MYOF: variants seen among roughly 807,000 people sequenced by gnomAD.
The protein encoded by MYOF is myoferlin, also known as fer-1-like 3, myoferlin.
Under a neutral mutation model 284.2 loss-of-function variants are expected in MYOF, and 244 were observed. That is an observed-to-expected ratio of 0.86 (90% CI 0.77 to 0.95). The LOEUF is 0.95. MYOF is among the 40% of genes least tolerant of loss of function. The pLI, the probability that MYOF is intolerant of heterozygous loss-of-function variation, is 0.00. For missense variants in MYOF, 2,496 were observed against 2,560.6 expected (o/e 0.97, Z 0.54); for synonymous variants, 904 against 919.7 (o/e 0.98, Z 0.31).
At chr10:93,340,006 G>T (rs1434326120) in intron 39 of MYOF, 147 bp downstream of exon 39, 2 of 773,028 alleles carry the variant, frequency 2.6e-6, no homozygotes, top group African/African-American at 3.5e-5. Context: ...GTGAACCCCG[G>T]GGGGCGGAGC....
intron 27 of MYOF, among the ~76,000 whole-genome samples, chr10:93,362,852 A>G (rs936309723): frequency 2.0e-5 from 3 of 152,342 alleles, no homozygotes; most frequent in African/African-American, 4.8e-5. Context: ...GAAAATATGA[A>G]TTTATAAAAC....
At chr10:93,387,677 G>A in intron 19 of MYOF, 120 bp downstream of exon 19, 1 of 768,092 alleles carries the variant, frequency 1.3e-6, no homozygotes. Flanking sequence ...GGCTGTTGTA[G>A]AAACATCCAG....
intron 24 of MYOF, among the ~76,000 whole-genome samples, chr10:93,372,525 T>C (rs1168728387): frequency 2.6e-5 from 4 of 152,230 alleles, no homozygotes; most frequent in Admixed American, 2.6e-4. Flanking sequence ...AAATTGAAAT[T>C]GATTCAATCT....
At chr10:93,382,112 G>A (rs1156266104) in intron 19 of MYOF, among the ~76,000 whole-genome samples, 1 of 152,164 alleles carries the variant, frequency 6.6e-6, no homozygotes, top group Non-Finnish European at 1.5e-5. Flanking sequence ...CATAAAGAAG[G>A]TCTGGAGGAA....
chr10:93,333,983 C>T, intron 41 of MYOF, 70 bp from the exon 42 acceptor site: 2 of 1,497,228 alleles, frequency 1.3e-6, no homozygotes, highest in South Asian at 2.5e-5. Flanking sequence ...GGGAAGTCCC[C>T]TCCTCCGCCA....
At chr10:93,341,659 T>C (rs75838515) in intron 38 of MYOF, among the ~76,000 whole-genome samples, 140 of 152,356 alleles carry the variant, frequency 9.2e-4, no homozygotes, top group African/African-American at 3.2e-3. Context: ...ACATGATCAT[T>C]AGTTCATGTG....
chr10:93,366,287 G>A, intron 26 of MYOF, 105 bp downstream of exon 26: 1 of 1,219,800 alleles, frequency 8.2e-7, no homozygotes. Flanking sequence ...CTCAGTGGGT[G>A]TTACATAACT....
chr10:93,394,443 C>CTTTT (rs1193314228), intron 16 of MYOF, among the ~76,000 whole-genome samples: 2 of 58,860 alleles, frequency 3.4e-5, no homozygotes, highest in Non-Finnish European at 3.7e-5. Flanking sequence ...TGGTCACCAT[C>CTTTT]TTGTCTTTTT....
chr10:93,420,422 G>A (rs373182166), intron 5 of MYOF, among the ~76,000 whole-genome samples: 36 of 152,150 alleles, frequency 2.4e-4, no homozygotes, highest in African/African-American at 8.7e-4. Flanking sequence ...AGGGGGGTCA[G>A]TGAAAAGAAC....
chr10:93,343,904 C>T lies in MYOF; in HGVS notation c.4278G>A (p.Arg1426=), dbSNP rs1420887862. 4.3e-6 allele frequency: 7 copies of T among 1,614,108 alleles called. No homozygotes were observed. Among genetic ancestry groups the T allele is most frequent in the Non-Finnish European group, 5.9e-6 (7 of 1,180,020 alleles). The change falls in exon 38 of 54, where the codon CGG becomes CGA. Residue 1426 remains arginine, a synonymous_variant. Transcript: ENST00000359263. ...KASLLSAPPC[R]DIVIEMEDTK... ...TGTCTTCCATTTCGATAACGATGTC[C>T]CGGCATGGTGGGGCAGACAGAAGGG...
chr10:93,409,430 T>C, intron 6 of MYOF, 143 bp downstream of exon 6: 1 of 1,029,600 alleles, frequency 9.7e-7, no homozygotes, highest in Admixed American at 2.4e-5. Flanking sequence ...AGAGCTTTTC[T>C]TACTGGGTTT....
chr10:93,366,400 A>G lies in MYOF; in HGVS notation c.2745T>C (p.Pro915=). The stretch of plus-strand genomic sequence containing the variant: ...GAAAATGGACAACTTACCTTCTTTC[A>G]GGATCAACTATCCACTCTCCTTCCC... ...WEWEGEWIVD[P]ERSLLTEADA... The change falls in exon 26 of 54, where the codon CCT becomes CCC. Residue 915 remains proline, a synonymous_variant. Coordinates refer to ENST00000359263, the MANE Select transcript of MYOF (RefSeq NM_013451.4). The G allele has an allele frequency of 6.2e-7, 1 of 1,610,920 alleles. No individual in the cohort carries two copies. Among genetic ancestry groups the G allele is most frequent in the Non-Finnish European group, 8.5e-7 (1 of 1,179,322 alleles).
At chr10:93,437,257 CTGTT>C (rs1266454583) in intron 3 of MYOF, among the ~76,000 whole-genome samples, 1 of 149,216 alleles carries the variant, frequency 6.7e-6, no homozygotes, top group Non-Finnish European at 1.5e-5. Context: ...GCCGCTTAAA[CTGTT>C]TTTTTTTTCT....
rs774791923 is a variant in MYOF, at chr10:93,381,416, A to G, written c.1699-20T>C. ...GTATTTCTATAAAGTATGAGCAGAC[A>G]TAAGGTTCAGTGAAAGGCCATTTGT... is the stretch of plus-strand genomic sequence containing the variant. On this transcript the variant is annotated intron_variant, in intron 19 of 53. Coordinates refer to ENST00000359263, the MANE Select transcript of MYOF (RefSeq NM_013451.4). The G allele has an allele frequency of 6.2e-7, 1 of 1,612,918 alleles. No homozygotes were observed. Among genetic ancestry groups the G allele is most frequent in the Admixed American group, 1.7e-5 (1 of 59,956 alleles).
intron 42 of MYOF, 77 bp downstream of exon 42, chr10:93,333,681 A>C: frequency 6.4e-7 from 1 of 1,554,570 alleles, no homozygotes; most frequent in African/African-American, 1.4e-5. Flanking sequence ...GCCCAGAAAG[A>C]AAGAACATGA....
Position 93,408,765 on chromosome 10 carries a change from C to A in MYOF, c.729+22G>T, listed in dbSNP as rs756579535. ...CCCCAGTGGGACTCATGAGCAGAAACATGCCCTCTCAACCCCTTTACCTCA... is the reference window on the plus strand; with the variant it reads ...CCCCAGTGGGACTCATGAGCAGAAAAATGCCCTCTCAACCCCTTTACCTCA... On this transcript the variant is annotated intron_variant, in intron 7 of 53. Coordinates refer to ENST00000359263, the MANE Select transcript of MYOF (RefSeq NM_013451.4). The A allele has an allele frequency of 1.4e-5, 23 of 1,613,880 alleles. No individual in the cohort carries two copies. The South Asian group carries it at 2.5e-4, about 18-fold the overall frequency.
At position 93,379,971 on chromosome 10, in the gene MYOF, G is replaced by A. The variant is rs369605331; in HGVS notation, c.1893C>T (p.Tyr631=). 1.8e-4 allele frequency: 283 copies of A among 1,613,730 alleles called. No individual in the cohort carries two copies. The highest frequency in any genetic ancestry group is 4.3e-4 in the Admixed American group (26 of 60,008). The stretch of plus-strand genomic sequence containing the variant: ...CTGGCTTGGTGTGGGCCCAAGGCAA[G>A]TAATAATAGTAGTTGCCTGGTATAA... ...RAVFDGNYYY[Y]LPWAHTKPVV... is the part of the protein sequence containing the mutation. The change falls in exon 21 of 54, where the codon TAC becomes TAT. Residue 631 remains tyrosine, a synonymous_variant. Coordinates refer to ENST00000359263, the MANE Select transcript of MYOF (RefSeq NM_013451.4).
chr10:93,339,290 C>T (rs549527136), intron 39 of MYOF, among the ~76,000 whole-genome samples: 35 of 152,006 alleles, frequency 2.3e-4, no homozygotes, highest in Admixed American at 1.8e-3. Context: ...GGATTACAGG[C>T]GTGAGCCACC....
At chr10:93,467,369 A>G (rs1485067807) in intron 1 of MYOF, among the ~76,000 whole-genome samples, 3 of 130,960 alleles carry the variant, frequency 2.3e-5, no homozygotes, top group African/African-American at 8.9e-5. Context: ...TCCTGTGTCC[A>G]TGTGTTCTCA....
Sources: allele counts gnomAD v4.1 joint callset (sites outside exome capture counted in the v4.1 genomes callset), GRCh38; gene constraint gnomAD v4.1.1; transcripts MANE v1.5; gene names NCBI Gene and HGNC (gene_info 2026-07-23, HGNC 2026-07-21).